The following IQSEC1 variants were observed in gnomAD, a reference collection of about 807,000 sequenced individuals.
The protein encoded by IQSEC1 is IQ motif and Sec7 domain ArfGEF 1.
A neutral mutation model predicts 91.0 loss-of-function variants in IQSEC1; 31 were observed. That is an observed-to-expected ratio of 0.34 (90% CI 0.26 to 0.46). The LOEUF (loss-of-function observed/expected upper bound fraction) is 0.46. IQSEC1 is among the 20% of genes least tolerant of loss of function. The pLI is 1.00. For missense variants in IQSEC1, 1,388 were observed against 1,575.6 expected (o/e 0.88, Z 2.02); for synonymous variants, 699 against 662.6 (o/e 1.05, Z -0.84).
rs561201625 is a variant in IQSEC1, at chr3:13,154,003, G to C, written c.302+10101C>G. On this transcript the variant is annotated intron_variant, in intron 2 of 15. Transcript: ENST00000648114. ...AAAGGTCATCATGAGGCAGGGCATGGAGGGCCCCAAAGCCAACGGGATGAA... is the reference window on the plus strand; with the variant it reads ...AAAGGTCATCATGAGGCAGGGCATGCAGGGCCCCAAAGCCAACGGGATGAA... Among the ~76,000 whole-genome samples the C allele has an allele frequency of 2.0e-5, 3 of 152,242 alleles. No homozygotes were observed. The East Asian group carries it at 5.8e-4, about 29-fold the overall frequency.
In IQSEC1 at chr3:13,146,768, A is replaced by T. The variant is rs572474792; in HGVS notation, c.302+17336T>A. Among the ~76,000 whole-genome samples the T allele has an allele frequency of 3.9e-5, 6 of 152,272 alleles. No individual in the cohort carries two copies. The South Asian group carries it at 1.2e-3, about 32-fold the overall frequency. Reference sequence around the variant, plus strand: ...GGCACGAGAATCACTTGAACACAGGAGGTTGTAGTAAGCCAAGATCAGACC... The same window carrying T: ...GGCACGAGAATCACTTGAACACAGGTGGTTGTAGTAAGCCAAGATCAGACC... On this transcript the variant is annotated intron_variant, in intron 2 of 15. Transcript: ENST00000648114.
In IQSEC1 at chr3:12,900,991, T is replaced by G. The variant is rs1694202238; in HGVS notation, c.3337A>C (p.Ile1113Leu). 1 of 1,544,610 alleles carries G rather than the reference T, an allele frequency of 6.5e-7. No individual in the cohort carries two copies. The highest frequency in any genetic ancestry group is 2.4e-5 in the East Asian group (1 of 40,920). ...SKAKPSGIST[I>L]V is the part of the protein sequence containing the mutation. Reference sequence around the variant, plus strand: ...ACCCCTACCCAGGCTGTCTACACAATTGTGCTGATGCCGCTGGGTTTGGCC... The same window carrying G: ...ACCCCTACCCAGGCTGTCTACACAAGTGTGCTGATGCCGCTGGGTTTGGCC... Residue 1113 changes from isoleucine (I) to leucine (L), a missense_variant, in exon 14 of 14, where the codon ATT (isoleucine) becomes CTT (leucine). Around this residue, in one of 2 missense-constraint regions of IQSEC1, gnomAD observed 329 missense variants for 257.8 expected, o/e 1.28. Transcript: ENST00000613206.
chr3:13,068,132 C>A (rs954741674), intron 1 of IQSEC1, among the ~76,000 whole-genome samples: 3 of 152,270 alleles, frequency 2.0e-5, no homozygotes, highest in Non-Finnish European at 4.4e-5. Context: ...CAAGGCCCAG[C>A]AGGGTCCTGC....
chr3:13,022,485 A>G, intron 1 of IQSEC1: 1 of 994,196 alleles, frequency 1.0e-6, no homozygotes, highest in Non-Finnish European at 1.2e-6. Context: ...TCAGGGCGGG[A>G]TGGGTGAGGG....
intron 1 of IQSEC1, among the ~76,000 whole-genome samples, chr3:13,071,153 G>GTTTTTTTTTTTTTTTTTT (rs796412810): frequency 1.1e-5 from 1 of 90,972 alleles, no homozygotes; most frequent in Non-Finnish European, 2.3e-5. Context: ...GTTTTTTTTT[G>GTTTTTTTTTTTTTTTTTT]TTTTTTTTTT....
intron 2 of IQSEC1, among the ~76,000 whole-genome samples, chr3:13,137,926 G>A (rs948111526): frequency 2.6e-5 from 4 of 152,162 alleles, no homozygotes; most frequent in African/African-American, 9.7e-5. Flanking sequence ...GGAGGATCAC[G>A]GTATCTGACC....
Position 13,033,420 on chromosome 3 carries a change from C to T in IQSEC1, c.23+39572G>A, listed in dbSNP as rs144873475. On this transcript the variant is annotated intron_variant, in intron 1 of 13. Transcript: ENST00000613206. ...GCGCATTTCTCCTGAGGCCTCTCTT[C>T]TTGGCTTGTATGTGGCTGTGTTCTC... Among the ~76,000 whole-genome samples the T allele has an allele frequency of 6.0e-3, 912 of 152,230 alleles. 10 individuals are homozygous for T. Among genetic ancestry groups the T allele is most frequent in the African/African-American group, 0.021 (856 of 41,508 alleles).
At chr3:13,280,334 G>A (rs1484099457) in intron 1 of IQSEC1, among the ~76,000 whole-genome samples, 1 of 152,204 alleles carries the variant, frequency 6.6e-6, no homozygotes, top group Non-Finnish European at 1.5e-5. Flanking sequence ...CAAGGGGATT[G>A]GTTATCCCAT....
intron 1 of IQSEC1, among the ~76,000 whole-genome samples, chr3:13,173,799 G>A (rs1020497354): frequency 6.6e-6 from 1 of 152,186 alleles, no homozygotes; most frequent in African/African-American, 2.4e-5. Context: ...AGTGTGGCCT[G>A]GGCACCCACA....
chr3:13,234,200 G>GTGTGCCTGTGGGTGTGAGCCCCCGTGTC lies in IQSEC1; in HGVS notation c.272+48483_272+48510dup, dbSNP rs1559282667. The stretch of plus-strand genomic sequence containing the variant: ...TGTGGGTGTGAGCCCCCATGTCTGT[G>GTGTGCCTGTGGGTGTGAGCCCCCGTGTC]TGTGCCTGTGGGTGTGAGCCCCCGT... On this transcript the variant is annotated intron_variant, in intron 1 of 15. Coordinates refer to the IQSEC1 transcript ENST00000648114. 3.0e-3 allele frequency among the ~76,000 whole-genome samples: 418 copies of GTGTGCCTGTGGGTGTGAGCCCCCGTGTC among 138,102 alleles called. 48 individuals carry two copies. In the East Asian group the frequency reaches 0.037, roughly 12 times the overall value. The allele number at this position is 138,102 out of a possible 152,430, so 90.6% of individuals were successfully genotyped here.
At chr3:12,918,342 G>A (rs1696304041) in intron 6 of IQSEC1, among the ~76,000 whole-genome samples, 1 of 152,202 alleles carries the variant, frequency 6.6e-6, no homozygotes, top group African/African-American at 2.4e-5. Flanking sequence ...TGGCAGTACT[G>A]GGTGCAACCA....
At chr3:12,943,051 A>AGCTT (rs994646722) in intron 1 of IQSEC1, among the ~76,000 whole-genome samples, 1 of 152,216 alleles carries the variant, frequency 6.6e-6, no homozygotes, top group Admixed American at 6.5e-5. Context: ...ATTGCTGTAT[A>AGCTT]TACATTTTCT....
intron 1 of IQSEC1, among the ~76,000 whole-genome samples, chr3:13,039,914 C>G (rs536926424): frequency 6.6e-6 from 1 of 152,252 alleles, no homozygotes; most frequent in African/African-American, 2.4e-5. Context: ...GTGGCACCAC[C>G]GACTGGCCAT....
intron 1 of IQSEC1, among the ~76,000 whole-genome samples, chr3:12,955,257 T>C (rs745412280): frequency 1.3e-5 from 2 of 152,232 alleles, no homozygotes; most frequent in Non-Finnish European, 2.9e-5. Flanking sequence ...CCCTTGAGAA[T>C]GCCCTGGGCT....
chr3:13,013,263 C>T (rs1357916839), intron 1 of IQSEC1, among the ~76,000 whole-genome samples: 6 of 152,186 alleles, frequency 3.9e-5, no homozygotes, highest in South Asian at 2.1e-4. Flanking sequence ...ACCCCAGGCC[C>T]GGCTGATAGC....
intron 4 of IQSEC1, among the ~76,000 whole-genome samples, chr3:12,923,150 G>A (rs1696788417): frequency 6.6e-6 from 1 of 152,222 alleles, no homozygotes; most frequent in Non-Finnish European, 1.5e-5. Flanking sequence ...TTGCTGAGCA[G>A]CAGGAGCAGC....
At chr3:13,020,013 G>A (rs973370747) in intron 1 of IQSEC1, among the ~76,000 whole-genome samples, 4 of 152,200 alleles carry the variant, frequency 2.6e-5, no homozygotes, top group Non-Finnish European at 5.9e-5. Context: ...GGGAGCGAGC[G>A]AATCACCCTT....
chr3:13,139,167 G>C (rs966999608), intron 2 of IQSEC1, among the ~76,000 whole-genome samples: 1 of 152,176 alleles, frequency 6.6e-6, no homozygotes, highest in South Asian at 2.1e-4. Context: ...TTTTAACAAC[G>C]AGAAACTCAA....
At chr3:13,140,930 C>T (rs895752225) in intron 2 of IQSEC1, among the ~76,000 whole-genome samples, 33 of 152,146 alleles carry the variant, frequency 2.2e-4, no homozygotes, top group African/African-American at 8.0e-4. Context: ...GCGCCTGTGC[C>T]CCTCTCACTT....
Sources: gnomAD v4.1 joint callset for allele counts (sites outside exome capture counted in the v4.1 genomes callset) on GRCh38, gnomAD v4.1.1 for gene constraint, gnomAD v4.1.1 regional missense constraint, MANE v1.5 for transcripts, NCBI Gene and HGNC (gene_info 2026-07-23, HGNC 2026-07-21) for gene names.